The following BCAS3 variants were observed in gnomAD, a reference collection of about 807,000 sequenced individuals.
The protein encoded by BCAS3 is BCAS4/BCAS3 fusion.
BCAS3 carries 53 observed loss-of-function variants against 116.1 expected under a neutral mutation model. The ratio of observed to expected loss-of-function variants is 0.46; its 90% CI spans 0.37 to 0.57. BCAS3 has a LOEUF of 0.57. BCAS3 is among the 20% of genes least tolerant of loss of function. The pLI is 0.00. For missense variants in BCAS3, 917 were observed against 1,165.4 expected (o/e 0.79, Z 3.10); for synonymous variants, 391 against 408.2 (o/e 0.96, Z 0.51).
At chr17:60,697,278 T>C (rs73332365) in intron 4 of BCAS3, among the ~76,000 whole-genome samples, 10,595 of 142,048 alleles carry the variant, frequency 0.075, 1,229 homozygotes, top group African/African-American at 0.25. Flanking sequence ...GATTCAGTTT[T>C]GGCTGGGCGT....
At position 61,206,735 on chromosome 17, in the gene BCAS3, A is replaced by G. The variant is rs555672746; in HGVS notation, c.2425+122171A>G. Among the ~76,000 whole-genome samples the G allele has an allele frequency of 1.8e-4, 26 of 142,692 alleles. 1 individual carries two copies. The South Asian group carries it at 6.0e-3, about 33-fold the overall frequency. 93.6% of individuals were successfully genotyped at this position (142,692 alleles called of 152,430 possible). ...AGAATCGCTTGAACCTGGGAGGCAG[A>G]GGTTGACGTGAGCCAAGATCTCGCC... On this transcript the variant is annotated intron_variant, in intron 22 of 23. Transcript: ENST00000407086.
chr17:61,388,612 CAAAAGGGAAAAA>C lies in BCAS3; in HGVS notation c.2594-3358_2594-3347del. On this transcript the variant is annotated intron_variant, in intron 23 of 23. Transcript: ENST00000407086. The surrounding 1 kb of genome is among the most constrained non-coding windows in gnomAD (Gnocchi z 6.5). Reference sequence around the variant, plus strand: ...AAAGATTCCTCAATGCTTTTCTTTTCAAAAGGGAAAAAAAAAGGAAAAAAAAAACAATGCCAA... The same window carrying C: ...AAAGATTCCTCAATGCTTTTCTTTTCAAAAGGAAAAAAAAAACAATGCCAA... 6 of 1,529,604 alleles carry C rather than the reference CAAAAGGGAAAAA, an allele frequency of 3.9e-6. No homozygotes were observed. The highest frequency in any genetic ancestry group is 1.2e-5 in the South Asian group (1 of 82,756). The allele number at this position is 1,529,604 out of a possible 1,614,324, so 94.8% of individuals were successfully genotyped here.
intron 14 of BCAS3, among the ~76,000 whole-genome samples, chr17:60,981,366 GCCT>G (rs1437372639): frequency 1.3e-5 from 2 of 151,380 alleles, no homozygotes; most frequent in Non-Finnish European, 2.9e-5. Flanking sequence ...TGCAGCCTCT[GCCT>G]CCTCCCAGGT....
intron 7 of BCAS3, among the ~76,000 whole-genome samples, chr17:60,848,468 A>G (rs182162866): frequency 6.6e-6 from 1 of 152,312 alleles, no homozygotes; most frequent in Admixed American, 6.5e-5. Flanking sequence ...TGGTACTTTT[A>G]TAGATTATCT....
chr17:60,914,833 GT>G (rs2058696862), intron 12 of BCAS3, among the ~76,000 whole-genome samples: 1 of 152,090 alleles, frequency 6.6e-6, no homozygotes, highest in African/African-American at 2.4e-5. Context: ...TACGAAATAT[GT>G]GTTAATTGAC....
chr17:60,868,588 G>T lies in BCAS3; in HGVS notation c.489G>T (p.Pro163=). 1.3e-6 allele frequency: 2 copies of T among 1,569,822 alleles called. No homozygotes were observed. The highest frequency in any genetic ancestry group is 2.4e-5 in the East Asian group (1 of 42,388). Residue 163 remains proline (P), a synonymous_variant, in exon 8 of 24, where the codon CCG becomes CCT. Transcript: ENST00000407086. ...TTTTCTTTTTTAGCACAAGCCCACC[G>T]TACTGTTGTGTGGATCTGTATTCAC... ...KSIGSSGTSP[P]YCCVDLYSLR... is the part of the protein sequence containing the mutation.
intron 6 of BCAS3, among the ~76,000 whole-genome samples, chr17:60,780,542 A>G (rs2045731120): frequency 6.6e-6 from 1 of 151,570 alleles, no homozygotes; most frequent in Admixed American, 6.6e-5. Context: ...ACCTCAAGTG[A>G]TCCACCTGCC....
chr17:60,827,516 C>T (rs2144708768), intron 7 of BCAS3, among the ~76,000 whole-genome samples: 1 of 152,074 alleles, frequency 6.6e-6, no homozygotes, highest in East Asian at 1.9e-4. Flanking sequence ...GTTCATATTC[C>T]CAGTAGAAGC....
intron 6 of BCAS3, among the ~76,000 whole-genome samples, chr17:60,784,233 GA>G (rs72157059): frequency 0.16 from 22,739 of 138,744 alleles, 2,363 homozygotes; most frequent in African/African-American, 0.31. Flanking sequence ...TTACCAAATT[GA>G]AAAAAAAAAG....
intron 22 of BCAS3, among the ~76,000 whole-genome samples, chr17:61,194,171 C>T (rs1337054080): frequency 6.6e-6 from 1 of 152,048 alleles, no homozygotes; most frequent in Non-Finnish European, 1.5e-5. Context: ...GGGGAATCTG[C>T]AGATTGTGCT....
chr17:60,866,683 A>T (rs758831056), intron 7 of BCAS3, among the ~76,000 whole-genome samples: 1 of 152,106 alleles, frequency 6.6e-6, no homozygotes, highest in Non-Finnish European at 1.5e-5. Flanking sequence ...GAGCTATTCA[A>T]ATTATCTTTA....
At chr17:61,202,739 A>C (rs937132004) in intron 22 of BCAS3, among the ~76,000 whole-genome samples, 1 of 152,218 alleles carries the variant, frequency 6.6e-6, no homozygotes, top group Non-Finnish European at 1.5e-5. Flanking sequence ...AGATGAGCTA[A>C]GAGTATATCT....
At chr17:60,938,850 C>G (rs965984463) in intron 13 of BCAS3, among the ~76,000 whole-genome samples, 1 of 152,092 alleles carries the variant, frequency 6.6e-6, no homozygotes, top group South Asian at 2.1e-4. Context: ...ACACAAAAAA[C>G]TGATCAACAT....
chr17:61,365,801 C>G lies in BCAS3; in HGVS notation c.2426-2526C>G, dbSNP rs533681529. Among the ~76,000 whole-genome samples, 4 of 152,234 alleles carry G rather than the reference C, an allele frequency of 2.6e-5. No homozygotes were observed. The South Asian group carries it at 8.3e-4, about 32-fold the overall frequency. The stretch of plus-strand genomic sequence containing the variant: ...TGAAGTGAGAAAACAAATGGTCATT[C>G]TCTTCCCAATTTTCCAGGCTCTGAA... On this transcript the variant is annotated intron_variant, in intron 22 of 23. Transcript: ENST00000407086. This position sits in a 1 kb window ranked among gnomAD's most constrained non-coding sequence, Gnocchi z 4.6.
At chr17:61,375,745 G>T (rs906231362) in intron 23 of BCAS3, among the ~76,000 whole-genome samples, 1 of 151,758 alleles carries the variant, frequency 6.6e-6, no homozygotes, top group Non-Finnish European at 1.5e-5. Context: ...GCTAATTTTT[G>T]AATTTTTAGT....
rs79838550 is a variant in BCAS3 at position 61,231,634 on chromosome 17, T to C, written c.2426-136693T>C. On this transcript the variant is annotated intron_variant, in intron 22 of 23. Transcript: ENST00000407086. ...CCTGTAATCACATCTGTAAGCACTT[T>C]AGGAGGATGAGGCAGGAAGACAGCT... Among the ~76,000 whole-genome samples the C allele has an allele frequency of 6.3e-3, 950 of 151,826 alleles. 13 individuals carry two copies. Among genetic ancestry groups the C allele is most frequent in the African/African-American group, 0.022 (905 of 41,414 alleles).
intron 7 of BCAS3, among the ~76,000 whole-genome samples, chr17:60,815,805 C>A (rs1311825436): frequency 1.3e-5 from 2 of 152,218 alleles, no homozygotes; most frequent in Non-Finnish European, 2.9e-5. Flanking sequence ...TAGAGACATT[C>A]TTCAGTTTCA....
At chr17:60,919,328 AT>A (rs202133137) in intron 12 of BCAS3, among the ~76,000 whole-genome samples, 11 of 149,120 alleles carry the variant, frequency 7.4e-5, no homozygotes, top group South Asian at 2.1e-4. Flanking sequence ...AACACTTCTA[AT>A]TTTTTTTTTC....
chr17:61,320,536 G>A (rs2055125146), intron 22 of BCAS3, among the ~76,000 whole-genome samples: 1 of 152,006 alleles, frequency 6.6e-6, no homozygotes, highest in Admixed American at 6.6e-5. Context: ...AAAAAAATTA[G>A]CCAGGTGTGG....
Sources: allele counts gnomAD v4.1 joint callset (sites outside exome capture counted in the v4.1 genomes callset), GRCh38; gene constraint gnomAD v4.1.1; non-coding constraint Gnocchi (gnomAD v3.1); transcripts MANE v1.5; gene names NCBI Gene and HGNC (gene_info 2026-07-23, HGNC 2026-07-21).